Variants in CREM observed in about 807,000 individuals in gnomAD.
The protein encoded by CREM is cAMP-responsive element modulator.
A neutral mutation model predicts 37.3 loss-of-function variants in CREM; 13 were observed. That is an observed-to-expected ratio of 0.35 (90% confidence interval 0.23 to 0.55). The LOEUF (loss-of-function observed/expected upper bound fraction) is 0.55, where lower values mean the gene tolerates loss of function less well. CREM is among the 20% of genes least tolerant of loss of function. The pLI, the probability that CREM is intolerant of heterozygous loss-of-function variation, is 0.88. For missense variants in CREM, 296 were observed against 362.3 expected, an observed-to-expected ratio of 0.82 and a Z score of 1.49; for synonymous variants, 124 against 120.2, an observed-to-expected ratio of 1.03 and a Z score of -0.21.
At chr10:35,159,844 C>T (rs2093176630) in intron 3 of CREM, among the ~76,000 whole-genome samples, 1 of 152,170 alleles carries the variant, frequency 6.6e-6, no homozygotes, top group South Asian at 2.1e-4. Context: ...ATCCGAAACA[C>T]AGAAGGACTC....
intron 6 of CREM, among the ~76,000 whole-genome samples, chr10:35,197,035 T>A (rs919899568): frequency 8.5e-5 from 13 of 152,088 alleles, no homozygotes; most frequent in African/African-American, 2.7e-4. Context: ...TTTTTTGTAT[T>A]TTTAATAGAG....
chr10:35,201,410 A>G, intron 6 of CREM: 1 of 1,550,364 alleles, frequency 6.5e-7, no homozygotes, highest in Non-Finnish European at 8.7e-7. Flanking sequence ...TGTAGGGTTT[A>G]TTGTGAGTAT....
chr10:35,195,112 A>T, intron 6 of CREM: 1 of 1,486,494 alleles, frequency 6.7e-7, no homozygotes, highest in Non-Finnish European at 9.3e-7. Context: ...CTTATCCTGC[A>T]CATGCTTGCT....
rs974395829 is a variant in CREM, at chr10:35,211,584, G to A, written c.*186G>A. On this transcript the variant is annotated 3_prime_UTR_variant, in exon 8 of 8. Coordinates refer to ENST00000685392, the MANE Select transcript of CREM (RefSeq NM_183011.2). ...ATGCAGCCGTGATCACACTTACCGA[G>A]CTTACTTTGATCTGTTTGTCAATAG... The A allele has an allele frequency of 1.3e-6, 2 of 1,562,942 alleles. No homozygotes were observed. Among genetic ancestry groups the A allele is most frequent in the African/African-American group, 2.7e-5 (2 of 73,126 alleles).
chr10:35,141,528 A>T (rs1165678441), intron 2 of CREM, among the ~76,000 whole-genome samples: 1 of 152,120 alleles, frequency 6.6e-6, no homozygotes, highest in Non-Finnish European at 1.5e-5. Flanking sequence ...TCGTTGGATG[A>T]TGGGGTCCCA....
At chr10:35,138,960 T>C (rs2091044613) in intron 2 of CREM, among the ~76,000 whole-genome samples, 1 of 152,050 alleles carries the variant, frequency 6.6e-6, no homozygotes, top group African/African-American at 2.4e-5. Context: ...ATTAATATTT[T>C]ATTAATTTGG....
chr10:35,195,958 A>G, intron 6 of CREM: 4 of 1,224,586 alleles, frequency 3.3e-6, no homozygotes, highest in Non-Finnish European at 4.7e-6. Context: ...TCTGCCTCCA[A>G]GCTGCCTTTT....
intron 3 of CREM, among the ~76,000 whole-genome samples, chr10:35,155,512 T>C (rs2092838770): frequency 6.6e-6 from 1 of 151,940 alleles, no homozygotes. Context: ...TTTACCACAA[T>C]AAAAGATAAT....
intron 5 of CREM, among the ~76,000 whole-genome samples, chr10:35,183,110 C>A (rs1482178482): frequency 6.6e-6 from 1 of 152,154 alleles, no homozygotes; most frequent in Non-Finnish European, 1.5e-5. Context: ...AAGACTATCA[C>A]CCAAGACTTC....
intron 7 of CREM, among the ~76,000 whole-genome samples, chr10:35,207,755 C>T (rs1565010061): frequency 6.6e-6 from 1 of 151,532 alleles, no homozygotes; most frequent in African/African-American, 2.4e-5. Context: ...GCCTGGGTGA[C>T]AGTGAGACTC....
At chr10:35,173,777 T>TC (rs1170306561) in intron 3 of CREM, among the ~76,000 whole-genome samples, 1 of 152,320 alleles carries the variant, frequency 6.6e-6, no homozygotes, top group East Asian at 1.9e-4. Flanking sequence ...TGTTCCTCCT[T>TC]CTTAAGATCT....
At chr10:35,167,649 C>T in intron 3 of CREM, 5 of 1,447,692 alleles carry the variant, frequency 3.5e-6, no homozygotes, top group South Asian at 1.2e-5. Flanking sequence ...AATTGCAAAG[C>T]CAAATAAGGC....
chr10:35,147,137 G>A (rs2092221990), intron 2 of CREM, among the ~76,000 whole-genome samples: 1 of 143,028 alleles, frequency 7.0e-6, no homozygotes, highest in Non-Finnish European at 1.5e-5. Context: ...TGCAAGCTCT[G>A]CCTCCTGGGT....
intron 3 of CREM, among the ~76,000 whole-genome samples, chr10:35,163,856 G>A (rs1470576001): frequency 6.6e-6 from 1 of 151,696 alleles, no homozygotes; most frequent in Non-Finnish European, 1.5e-5. Context: ...AAAACAATTA[G>A]TTGAGTGTGG....
rs528400341 is a variant in CREM, at chr10:35,175,188, C to G, written c.169-3701C>G. On this transcript the variant is annotated intron_variant, in intron 3 of 7. Transcript: ENST00000685392. ...ACTGGCCAGGTACAGTGGCTCACGC[C>G]TGTAATCCCAGCACTTTGGGAGGCC... Among the ~76,000 whole-genome samples the G allele has an allele frequency of 3.3e-5, 5 of 152,358 alleles. No homozygotes were observed. In the East Asian group the frequency reaches 9.6e-4, roughly 29 times the overall value.
chr10:35,131,064 A>G (rs1172480896), intron 1 of CREM, among the ~76,000 whole-genome samples: 1 of 152,224 alleles, frequency 6.6e-6, no homozygotes, highest in East Asian at 1.9e-4. Context: ...TTAAATAACC[A>G]TCTCGTTGGT....
Position 35,176,389 on chromosome 10 carries a change from C to T in CREM, c.169-2500C>T, listed in dbSNP as rs554342103. Among the ~76,000 whole-genome samples, 14 of 150,204 alleles carry T rather than the reference C, an allele frequency of 9.3e-5. No individual in the cohort carries two copies. The South Asian group carries it at 2.9e-3, about 32-fold the overall frequency. On this transcript the variant is annotated intron_variant, in intron 3 of 7. Coordinates refer to ENST00000685392, the MANE Select transcript of CREM (RefSeq NM_183011.2). ...TAATATAAAGATTATAGTGCTGATG[C>T]TGTTTTCTTTTTTTTTCTTCTTTTT... is the stretch of plus-strand genomic sequence containing the variant.
intron 6 of CREM, among the ~76,000 whole-genome samples, chr10:35,199,141 T>C (rs1245939700): frequency 2.0e-5 from 3 of 152,266 alleles, no homozygotes; most frequent in Non-Finnish European, 4.4e-5. Flanking sequence ...AGAGCGAGAC[T>C]CCGTCTCAAC....
chr10:35,137,678 C>A, intron 1 of CREM, 104 bp from the exon 2 acceptor site: 1 of 441,188 alleles, frequency 2.3e-6, no homozygotes, highest in Non-Finnish European at 3.9e-6. Context: ...GAATATTCTT[C>A]CTGGCCTTGT....
Sources: gnomAD v4.1 joint callset for allele counts (sites outside exome capture counted in the v4.1 genomes callset) on GRCh38, gnomAD v4.1.1 for gene constraint, MANE v1.5 for transcripts, NCBI Gene and HGNC (gene_info 2026-07-23, HGNC 2026-07-21) for gene names.